The following AGMO variants were observed in gnomAD, a reference collection of about 807,000 sequenced individuals.
AGMO encodes the protein glyceryl-ether monooxygenase.
In AGMO, 75 loss-of-function variants were observed where a neutral mutation model predicts 60.2. The ratio of observed to expected loss-of-function variants is 1.25; its 90% CI spans 1.03 to 1.51. The LOEUF (loss-of-function observed/expected upper bound fraction) is 1.51, where lower values mean the gene tolerates loss of function less well. AGMO is among the 40% of genes most tolerant of loss of function. The pLI is 0.00. For synonymous variants in AGMO, 261 were observed against 177.1 expected (o/e 1.47, Z -3.76); for missense variants, 763 against 525.5 (o/e 1.45, Z -4.42).
chr7:15,491,519 A>T (rs1365771934), intron 3 of AGMO, among the ~76,000 whole-genome samples: 3 of 152,208 alleles, frequency 2.0e-5, no homozygotes, highest in African/African-American at 7.2e-5. Context: ...TAAGTGCTAT[A>T]TAAAAAGTTC....
At chr7:15,433,120 G>T (rs1781301552) in intron 3 of AGMO, among the ~76,000 whole-genome samples, 1 of 151,986 alleles carries the variant, frequency 6.6e-6, no homozygotes, top group Non-Finnish European at 1.5e-5. Flanking sequence ...GTCAGGATTT[G>T]TTTTTAAAAA....
chr7:15,286,113 A>G (rs1342880092), intron 12 of AGMO, among the ~76,000 whole-genome samples: 2 of 152,264 alleles, frequency 1.3e-5, no homozygotes, highest in Non-Finnish European at 2.9e-5. Flanking sequence ...ACCTGAAACT[A>G]TAAACATTGT....
At chr7:15,174,016 T>C in the AGMO span, among the ~76,000 whole-genome samples, 1 of 152,012 alleles carries the variant, frequency 6.6e-6, no homozygotes, top group African/African-American at 2.4e-5. Context: ...ATGTTTCTCT[T>C]TTATTTCTGT....
At chr7:15,366,028 A>G (rs192207054) in intron 11 of AGMO, 112 bp downstream of exon 11, 6 of 740,982 alleles carry the variant, frequency 8.1e-6, no homozygotes, top group African/African-American at 5.5e-5. Flanking sequence ...CCAAAATTTT[A>G]TATTTATTTT....
intron 3 of AGMO, among the ~76,000 whole-genome samples, chr7:15,496,717 G>T (rs1325927472): frequency 6.6e-6 from 1 of 152,106 alleles, no homozygotes; most frequent in Non-Finnish European, 1.5e-5. Flanking sequence ...CTGGTTTATT[G>T]AAATATGTAT....
At chr7:15,340,051 G>T (rs1188747813) in intron 12 of AGMO, among the ~76,000 whole-genome samples, 1 of 152,164 alleles carries the variant, frequency 6.6e-6, no homozygotes, top group African/African-American at 2.4e-5. Flanking sequence ...CTTGAGACTA[G>T]AAGTGCTTAG....
intron 3 of AGMO, among the ~76,000 whole-genome samples, chr7:15,470,188 GATAAA>G (rs1442075548): frequency 2.0e-5 from 3 of 151,962 alleles, no homozygotes; most frequent in African/African-American, 7.2e-5. Context: ...GAAGTAAAGA[GATAAA>G]ATAATATCTG....
chr7:15,547,398 T>G (rs1784811148), intron 2 of AGMO, among the ~76,000 whole-genome samples: 1 of 152,072 alleles, frequency 6.6e-6, no homozygotes, highest in Non-Finnish European at 1.5e-5. Context: ...CATTTCCATC[T>G]GAGGTACCGG....
chr7:15,453,991 A>G (rs999160476), intron 3 of AGMO, among the ~76,000 whole-genome samples: 11 of 148,214 alleles, frequency 7.4e-5, no homozygotes, highest in African/African-American at 2.7e-4. Flanking sequence ...TACCTAATAT[A>G]TATTTTAAAA....
chr7:15,532,085 T>C lies in AGMO; in HGVS notation c.409+12687A>G, dbSNP rs116222357. Among the ~76,000 whole-genome samples, 419 of 152,308 alleles carry C rather than the reference T, an allele frequency of 2.8e-3. 1 individual carries two copies. The highest frequency in any genetic ancestry group is 9.4e-3 in the African/African-American group (391 of 41,568). ...ACTATAATATGACTGCAATACTGTA[T>C]GTTGAGTGAAGCAGAGGAAGCATCA... On this transcript the variant is annotated intron_variant, in intron 3 of 12. Coordinates refer to ENST00000342526, the MANE Select transcript of AGMO (RefSeq NM_001004320.2).
intron 3 of AGMO, among the ~76,000 whole-genome samples, chr7:15,440,450 C>T (rs1198908768): frequency 6.6e-6 from 1 of 152,072 alleles, no homozygotes; most frequent in Non-Finnish European, 1.5e-5. Context: ...CAGAGAAAAG[C>T]CACAGTGTAA....
rs1171056367 is a variant in AGMO at position 15,322,487 on chromosome 7, AATAT to A, written c.1263+43023_1263+43026del. Among the ~76,000 whole-genome samples the A allele has an allele frequency of 7.5e-4, 64 of 85,338 alleles. 1 individual carries two copies. The highest frequency in any genetic ancestry group is 1.3e-3 in the East Asian group (4 of 3,136). 56.0% of individuals were successfully genotyped at this position (85,338 alleles called of 152,430 possible). A position where few individuals can be genotyped will look rare whatever the true frequency, so the allele number is the denominator to read the frequency against. ...ATATAAATATATAAATATATATATA[AATAT>A]ATATAAATATATAAATATATATATA... On this transcript the variant is annotated intron_variant, in intron 12 of 12. Coordinates refer to ENST00000342526, the MANE Select transcript of AGMO (RefSeq NM_001004320.2).
chr7:15,342,640 C>G (rs370251336), intron 12 of AGMO, among the ~76,000 whole-genome samples: 2 of 151,602 alleles, frequency 1.3e-5, no homozygotes, highest in East Asian at 3.9e-4. Flanking sequence ...TCGGCTTTCT[C>G]TCCTGATTTT....
intron 12 of AGMO, among the ~76,000 whole-genome samples, chr7:15,201,959 A>G (rs1781300379): frequency 6.6e-6 from 1 of 152,136 alleles, no homozygotes; most frequent in African/African-American, 2.4e-5. Context: ...GAGTTTGTTC[A>G]ATCCAGGCTC....
rs180946782 is a variant in AGMO, at chr7:15,517,194, A to G, written c.409+27578T>C. On this transcript the variant is annotated intron_variant, in intron 3 of 12. Coordinates refer to ENST00000342526, the MANE Select transcript of AGMO (RefSeq NM_001004320.2). Reference sequence around the variant, plus strand: ...TAAAGTCAAACTTGATGGAATCACAAGAAGGACTTATAATGAATTAATCAT... The same window carrying G: ...TAAAGTCAAACTTGATGGAATCACAGGAAGGACTTATAATGAATTAATCAT... 2.7e-3 allele frequency among the ~76,000 whole-genome samples: 411 copies of G among 152,208 alleles called. 1 individual carries two copies. The highest frequency in any genetic ancestry group is 8.9e-3 in the African/African-American group (369 of 41,528).
chr7:15,172,883 C>A, the AGMO span, among the ~76,000 whole-genome samples: 5 of 152,070 alleles, frequency 3.3e-5, no homozygotes, highest in Non-Finnish European at 7.3e-5. Context: ...CAAACACTAC[C>A]CAGCAAATAT....
chr7:15,548,071 G>A (rs547423879), intron 2 of AGMO, among the ~76,000 whole-genome samples: 4 of 152,046 alleles, frequency 2.6e-5, no homozygotes, highest in Middle Eastern at 3.4e-3. Flanking sequence ...CACCTCACAC[G>A]GCAGGGTATT....
intron 3 of AGMO, among the ~76,000 whole-genome samples, chr7:15,453,187 G>C (rs1467537156): frequency 1.3e-5 from 2 of 152,088 alleles, no homozygotes; most frequent in Non-Finnish European, 2.9e-5. Context: ...AAAAGCCACT[G>C]AATGGCACAG....
intron 10 of AGMO, among the ~76,000 whole-genome samples, chr7:15,367,133 T>C (rs1366252715): frequency 1.3e-5 from 2 of 152,168 alleles, no homozygotes; most frequent in African/African-American, 4.8e-5. Flanking sequence ...GACTTTCCTT[T>C]AAATATTTGT....
Sources: allele counts gnomAD v4.1 joint callset (sites outside exome capture counted in the v4.1 genomes callset), GRCh38; gene constraint gnomAD v4.1.1; transcripts MANE v1.5; gene names NCBI Gene and HGNC (gene_info 2026-07-23, HGNC 2026-07-21).